Variants in VDAC1 observed in about 807,000 individuals in gnomAD.
The protein encoded by VDAC1 is voltage dependent anion channel 1.
VDAC1 carries 10 observed loss-of-function variants against 34.7 expected under a neutral mutation model. The ratio of observed to expected loss-of-function variants is 0.29; its 90% confidence interval spans 0.18 to 0.49. The LOEUF is 0.49. Among genes scored for constraint, VDAC1 ranks in the 20% least tolerant of loss-of-function variants. The pLI is 0.99. For missense variants in VDAC1, 230 were observed against 347.9 expected (o/e 0.66, Z 2.69); for synonymous variants, 130 against 136.0 (o/e 0.96, Z 0.30).
chr5:134,102,978 C>T, the VDAC1 span, among the ~76,000 whole-genome samples: 5 of 152,160 alleles, frequency 3.3e-5, no homozygotes, highest in Admixed American at 6.5e-5. Flanking sequence ...GAGGACCAAA[C>T]CTCAGCCTCT....
chr5:134,029,604 T>C, the VDAC1 span, among the ~76,000 whole-genome samples: 1 of 152,218 alleles, frequency 6.6e-6, no homozygotes, highest in Admixed American at 6.5e-5. Flanking sequence ...GTGGCTGATA[T>C]GACTGAGGAA....
the VDAC1 span, among the ~76,000 whole-genome samples, chr5:134,054,437 C>T: frequency 4.7e-5 from 7 of 148,184 alleles, no homozygotes; most frequent in Non-Finnish European, 1.0e-4. Context: ...CTTTTATTTT[C>T]CTTTCTTTCT....
chr5:133,997,553 A>C (rs181670090), intron 1 of VDAC1, among the ~76,000 whole-genome samples: 1,685 of 141,238 alleles, frequency 0.012, 25 homozygotes, highest in African/African-American at 0.044. Flanking sequence ...AAAAAAAAAT[A>C]AAAAAAAAAA....
At chr5:134,057,664 G>A in the VDAC1 span, among the ~76,000 whole-genome samples, 123 of 151,202 alleles carry the variant, frequency 8.1e-4, no homozygotes, top group African/African-American at 2.7e-3. Flanking sequence ...ACTCCAGCCT[G>A]GGAAACAAGA....
chr5:133,980,693 C>A, intron 6 of VDAC1, 36 bp downstream of exon 6: 1 of 571,150 alleles, frequency 1.8e-6, no homozygotes, highest in East Asian at 3.2e-5. Context: ...GCTCCAACCC[C>A]ACCCCTCCCA....
the VDAC1 span, among the ~76,000 whole-genome samples, chr5:134,067,428 T>TAAAAAAAAAAAAAAAAA: frequency 1.0e-5 from 1 of 96,826 alleles, no homozygotes. Flanking sequence ...TTACATATTC[T>TAAAAAAAAAAAAAAAAA]AAAAAAAAAA....
the VDAC1 span, among the ~76,000 whole-genome samples, chr5:134,020,160 C>T: frequency 6.6e-6 from 1 of 151,938 alleles, no homozygotes; most frequent in Non-Finnish European, 1.5e-5. Context: ...TTCAGTCCCA[C>T]CTTTTTCTAA....
the VDAC1 span, among the ~76,000 whole-genome samples, chr5:134,083,645 G>A: frequency 3.9e-5 from 6 of 152,342 alleles, no homozygotes; most frequent in South Asian, 2.1e-4. Flanking sequence ...TCAGCTGGCC[G>A]TGGTACCCCT....
At chr5:134,110,473 T>C in the VDAC1 span, among the ~76,000 whole-genome samples, 7 of 152,188 alleles carry the variant, frequency 4.6e-5, no homozygotes, top group Non-Finnish European at 1.0e-4. Context: ...ACCACCTACA[T>C]GCACACACAT....
upstream of VDAC1, among the ~76,000 whole-genome samples, chr5:134,007,944 G>C (rs1753782476): frequency 6.6e-6 from 1 of 152,160 alleles, no homozygotes; most frequent in South Asian, 2.1e-4. Flanking sequence ...AAGGAGGTTT[G>C]TGGGGACAGG....
chr5:134,000,651 T>C (rs1436075633), intron 1 of VDAC1, among the ~76,000 whole-genome samples: 2 of 152,216 alleles, frequency 1.3e-5, no homozygotes, highest in East Asian at 1.9e-4. Context: ...GTATGTGACT[T>C]TGGGCAAGTC....
At chr5:133,974,185 G>A (rs182771807) in intron 7 of VDAC1, among the ~76,000 whole-genome samples, 5 of 152,184 alleles carry the variant, frequency 3.3e-5, no homozygotes, top group South Asian at 2.1e-4. Flanking sequence ...AGCCAAATTC[G>A]GTTCTAGTTT....
the VDAC1 span, among the ~76,000 whole-genome samples, chr5:134,039,413 C>G: frequency 1.8e-4 from 27 of 152,286 alleles, no homozygotes; most frequent in Middle Eastern, 3.4e-3. Flanking sequence ...ACTGTAAGCT[C>G]TGCCTCCTGG....
chr5:134,092,145 G>C, the VDAC1 span, among the ~76,000 whole-genome samples: 2 of 152,116 alleles, frequency 1.3e-5, no homozygotes, highest in South Asian at 2.1e-4. Flanking sequence ...TGGTAGAGTG[G>C]GGATCTGAAC....
At chr5:134,012,559 T>C in the VDAC1 span, among the ~76,000 whole-genome samples, 2 of 152,090 alleles carry the variant, frequency 1.3e-5, no homozygotes, top group East Asian at 3.9e-4. Flanking sequence ...CTTTCCACCA[T>C]GTAAAGACAC....
the VDAC1 span, among the ~76,000 whole-genome samples, chr5:134,056,327 T>C: frequency 2.0e-5 from 3 of 151,590 alleles, no homozygotes; most frequent in East Asian, 5.8e-4. Flanking sequence ...AATCAGTACA[T>C]AAAGATGTGC....
the VDAC1 span, among the ~76,000 whole-genome samples, chr5:134,026,199 C>T: frequency 1.6e-4 from 25 of 152,110 alleles, no homozygotes; most frequent in Non-Finnish European, 3.5e-4. Flanking sequence ...ACAAAGTTGG[C>T]CCAACTTTTT....
At chr5:133,985,084 G>A (rs1233794433) in intron 5 of VDAC1, among the ~76,000 whole-genome samples, 1 of 152,194 alleles carries the variant, frequency 6.6e-6, no homozygotes, top group African/African-American at 2.4e-5. Flanking sequence ...ACTTTCTGGA[G>A]GATGAATGCA....
intron 5 of VDAC1, among the ~76,000 whole-genome samples, chr5:133,982,751 G>A (rs1474345988): frequency 1.3e-4 from 20 of 151,650 alleles, no homozygotes; most frequent in African/African-American, 4.4e-4. Context: ...TTAGCTGGGT[G>A]TGGTGGCACA....
Sources: allele counts gnomAD v4.1 joint callset (sites outside exome capture counted in the v4.1 genomes callset), GRCh38; gene constraint gnomAD v4.1.1; transcripts MANE v1.5; gene names NCBI Gene and HGNC (gene_info 2026-07-23, HGNC 2026-07-21).